The following GLCCI1 variants were observed in gnomAD, a reference collection of about 807,000 sequenced individuals.
GLCCI1 encodes the protein glucocorticoid-induced transcript 1 protein.
GLCCI1 carries 24 observed loss-of-function variants against 52.2 expected under a neutral mutation model. That is an observed-to-expected ratio of 0.46 (90% confidence interval 0.33 to 0.65). The LOEUF is 0.65. Ranked by LOEUF, GLCCI1 falls within the 30% of genes least tolerant of loss-of-function variation. GLCCI1 has a pLI of 0.02. For synonymous variants in GLCCI1, 310 were observed against 276.5 expected (o/e 1.12, Z -1.20); for missense variants, 704 against 701.5 (o/e 1.00, Z -0.04).
intron 4 of GLCCI1, among the ~76,000 whole-genome samples, chr7:8,059,732 A>G (rs1193221528): frequency 6.6e-6 from 1 of 152,238 alleles, no homozygotes; most frequent in Non-Finnish European, 1.5e-5. Context: ...GCTATACAGT[A>G]GACTTACATG....
intron 3 of GLCCI1, among the ~76,000 whole-genome samples, chr7:8,025,160 C>A (rs1416615563): frequency 6.6e-6 from 1 of 152,086 alleles, no homozygotes; most frequent in Non-Finnish European, 1.5e-5. Context: ...TGTGGACATG[C>A]ACATCAGAGA....
At chr7:8,079,890 A>G (rs534180083) in intron 6 of GLCCI1, among the ~76,000 whole-genome samples, 21 of 151,414 alleles carry the variant, frequency 1.4e-4, no homozygotes, top group Non-Finnish European at 2.4e-4. Context: ...TTTCCCCTGT[A>G]CTCTTTGCTG....
At chr7:8,007,059 C>CA (rs1781166252) in intron 2 of GLCCI1, among the ~76,000 whole-genome samples, 1 of 152,180 alleles carries the variant, frequency 6.6e-6, no homozygotes, top group Non-Finnish European at 1.5e-5. Context: ...TCTTTGCTCC[C>CA]AAGGTCTCTT....
At chr7:8,021,508 G>A (rs1394944226) in intron 2 of GLCCI1, among the ~76,000 whole-genome samples, 5 of 151,922 alleles carry the variant, frequency 3.3e-5, no homozygotes, top group Admixed American at 2.6e-4. Flanking sequence ...TGCCTCCCGG[G>A]TTCAAGTGAT....
intron 6 of GLCCI1, among the ~76,000 whole-genome samples, chr7:8,080,445 G>A (rs1463653278): frequency 2.6e-5 from 4 of 151,442 alleles, no homozygotes; most frequent in African/African-American, 7.4e-5. Flanking sequence ...TCTTTGCATA[G>A]TAGTCTATAG....
chr7:8,065,328 A>G (rs971301832), intron 5 of GLCCI1, among the ~76,000 whole-genome samples: 1 of 152,212 alleles, frequency 6.6e-6, no homozygotes, highest in African/African-American at 2.4e-5. Context: ...TTTTCTAGGT[A>G]TAGAATCATA....
intron 2 of GLCCI1, among the ~76,000 whole-genome samples, chr7:8,013,637 A>C (rs1262102511): frequency 6.6e-6 from 1 of 152,206 alleles, no homozygotes; most frequent in African/African-American, 2.4e-5. Context: ...AGAAAGGGGT[A>C]TATCTTTTTA....
chr7:8,066,240 G>A (rs2127962929), intron 5 of GLCCI1, among the ~76,000 whole-genome samples: 1 of 152,116 alleles, frequency 6.6e-6, no homozygotes, highest in South Asian at 2.1e-4. Context: ...GGAGTCAGTG[G>A]TACTGTCCCC....
chr7:8,055,446 T>C lies in GLCCI1; in HGVS notation c.710T>C (p.Leu237Pro). 6.2e-7 allele frequency: 1 copy of C among 1,613,124 alleles called. No individual in the cohort carries two copies. Among genetic ancestry groups the C allele is most frequent in the Non-Finnish European group, 8.5e-7 (1 of 1,179,232 alleles). The change falls in exon 4 of 8, where the codon CTG (leucine) becomes CCG (proline). Residue 237 changes from leucine (L) to proline (P), a missense_variant. Physicochemically the swap from Leu to Pro is moderately conservative, Grantham distance 98. Around this residue, in one of 3 missense-constraint regions of GLCCI1, gnomAD observed 547 missense variants for 524.8 expected, o/e 1.04. Transcript: ENST00000223145. ...CTGTCCCCAAAGCAGATCGCCAAACTGAGGCAGCAACTACAACGCAGTAAA... is the reference window on the plus strand; with the variant it reads ...CTGTCCCCAAAGCAGATCGCCAAACCGAGGCAGCAACTACAACGCAGTAAA... ...ADQLKEQIAK[L>P]RQQLQRSKQS... is the part of the protein sequence containing the mutation.
rs893042507 is a variant in GLCCI1 at position 8,088,313 on chromosome 7, C to T, written c.*1775C>T. 2.0e-5 allele frequency: 3 copies of T among 150,576 alleles called. No individual in the cohort carries two copies. In the East Asian group the frequency reaches 5.9e-4, roughly 29 times the overall value. The allele number at this position is 150,576 out of a possible 1,614,324, so 9.3% of individuals were successfully genotyped here. A position where few individuals can be genotyped will look rare whatever the true frequency, so the allele number is the denominator to read the frequency against. On this transcript the variant is annotated 3_prime_UTR_variant, in exon 8 of 8. Coordinates refer to ENST00000223145, the MANE Select transcript of GLCCI1 (RefSeq NM_138426.4). ...TGTCATGATCTCAATTCTCTTCTTT[C>T]CACCAAAGTTTGTCGTAATATTTTC...
intron 3 of GLCCI1, among the ~76,000 whole-genome samples, chr7:8,052,318 T>TCTAA (rs1358341225): frequency 3.3e-5 from 5 of 152,242 alleles, no homozygotes; most frequent in Non-Finnish European, 7.3e-5. Context: ...ATTCAGAGTT[T>TCTAA]CTAACTATTG....
intron 5 of GLCCI1, among the ~76,000 whole-genome samples, chr7:8,063,467 C>A (rs895902327): frequency 2.6e-5 from 4 of 151,866 alleles, no homozygotes; most frequent in African/African-American, 9.7e-5. Flanking sequence ...TTTTTAATAA[C>A]CGTTCTAACT....
intron 1 of GLCCI1, among the ~76,000 whole-genome samples, chr7:7,987,977 A>T (rs1780769652): frequency 6.6e-6 from 1 of 152,158 alleles, no homozygotes; most frequent in Admixed American, 6.5e-5. Context: ...CATGATATTA[A>T]ATTGAGAACA....
intron 2 of GLCCI1, among the ~76,000 whole-genome samples, chr7:8,021,514 G>C (rs527919162): frequency 2.5e-4 from 38 of 152,046 alleles, no homozygotes; most frequent in African/African-American, 8.9e-4. Context: ...CCGGGTTCAA[G>C]TGATTCTCCT....
intron 1 of GLCCI1, among the ~76,000 whole-genome samples, chr7:7,982,491 C>A (rs1365333544): frequency 6.6e-6 from 1 of 152,068 alleles, no homozygotes; most frequent in Non-Finnish European, 1.5e-5. Flanking sequence ...TTTTACTCTT[C>A]TTTTAAAATG....
intron 6 of GLCCI1, among the ~76,000 whole-genome samples, chr7:8,074,431 C>T (rs1584022218): frequency 6.6e-6 from 1 of 152,200 alleles, no homozygotes; most frequent in East Asian, 1.9e-4. Context: ...TTTCTGTGAT[C>T]CCAGCATTTT....
rs114515525 is a variant in GLCCI1 at position 8,067,155 on chromosome 7, A to G, written c.967-3766A>G. 5.7e-3 allele frequency among the ~76,000 whole-genome samples: 862 copies of G among 152,090 alleles called. 4 individuals carry two copies. The highest frequency in any genetic ancestry group is 0.019 in the African/African-American group (804 of 41,496). Reference sequence around the variant, plus strand: ...ATATACTGACCTTGTCTTTTTTGATATTTGTTGGTATAAAGTCTGTTTTGT... The same window carrying G: ...ATATACTGACCTTGTCTTTTTTGATGTTTGTTGGTATAAAGTCTGTTTTGT... On this transcript the variant is annotated intron_variant, in intron 5 of 7. Coordinates refer to ENST00000223145, the MANE Select transcript of GLCCI1 (RefSeq NM_138426.4).
intron 3 of GLCCI1, among the ~76,000 whole-genome samples, chr7:8,054,221 TATTG>T (rs1400433895): frequency 6.6e-6 from 1 of 152,162 alleles, no homozygotes; most frequent in Non-Finnish European, 1.5e-5. Flanking sequence ...TCTTGAGTTA[TATTG>T]ATTACCTACA....
chr7:8,042,776 G>A (rs1236899887), intron 3 of GLCCI1, among the ~76,000 whole-genome samples: 1 of 152,212 alleles, frequency 6.6e-6, no homozygotes, highest in African/African-American at 2.4e-5. Flanking sequence ...TGAAGAAGCT[G>A]TGAACATTGT....
Sources: gnomAD v4.1 joint callset for allele counts (sites outside exome capture counted in the v4.1 genomes callset) on GRCh38, gnomAD v4.1.1 for gene constraint, gnomAD v4.1.1 regional missense constraint, MANE v1.5 for transcripts, NCBI Gene and HGNC (gene_info 2026-07-23, HGNC 2026-07-21) for gene names.